The following PANX3 variants were observed in gnomAD, a reference collection of about 807,000 sequenced individuals.
PANX3 encodes pannexin-3.
In PANX3, 18 loss-of-function variants were observed where a neutral mutation model predicts 31.5. The observed-to-expected ratio is 0.57, with a 90% CI of 0.39 to 0.85. The LOEUF (loss-of-function observed/expected upper bound fraction) is 0.85. Among genes scored for constraint, PANX3 ranks in the 40% least tolerant of loss-of-function variants. The pLI, the probability that PANX3 is intolerant of heterozygous loss-of-function variation, is 0.00. For synonymous variants in PANX3, 194 were observed against 201.6 expected, an observed-to-expected ratio of 0.96 and a Z score of 0.32; for missense variants, 426 against 485.4, an observed-to-expected ratio of 0.88 and a Z score of 1.15.
rs1451724228 is a variant in PANX3 at position 124,611,723 on chromosome 11, A to G, written c.167A>G (p.Gln56Arg). Residue 56 changes from glutamine to arginine, a missense_variant, in exon 1 of 4, where the codon CAG becomes CGG. Transcript: ENST00000284288. ...PLLLMSLAFA[Q>R]EFSSGSPISC... ...TTGCTGATGTCCCTGGCATTCGCCC[A>G]GGAGTTCTCCTCTGGTAAGTTGCTT... 6.2e-7 allele frequency: 1 copy of G among 1,613,944 alleles called. No individual in the cohort carries two copies. The highest frequency in any genetic ancestry group is 2.2e-5 in the East Asian group (1 of 44,882).
chr11:124,617,406 C>T lies in PANX3; in HGVS notation c.457C>T (p.Arg153Cys), dbSNP rs773356208. The T allele has an allele frequency of 5.0e-6, 8 of 1,614,070 alleles. No individual in the cohort carries two copies. The highest frequency in any genetic ancestry group is 1.3e-5 in the African/African-American group (1 of 74,952). Reference protein sequence around the residue: ...IISELDKSYNRSIRLVQHMLK... With the variant: ...IISELDKSYNCSIRLVQHMLK... The stretch of plus-strand genomic sequence containing the variant: ...CAGCGAACTGGACAAATCTTATAAT[C>T]GCTCCATCCGCCTCGTGCAGCACAT... Residue 153 changes from arginine (R) to cysteine (C), a missense_variant, in exon 3 of 4, where the codon CGC becomes TGC. Coordinates refer to ENST00000284288, the MANE Select transcript of PANX3 (RefSeq NM_052959.3).
rs984688293 is a variant in PANX3 at position 124,620,067 on chromosome 11, A to G, written c.*132A>G. 4 of 959,424 alleles carry G rather than the reference A, an allele frequency of 4.2e-6. No homozygotes were observed. Among genetic ancestry groups the G allele is most frequent in the South Asian group, 1.8e-5 (1 of 55,708 alleles). The allele number at this position is 959,424 out of a possible 1,614,324, so 59.4% of individuals were successfully genotyped here. On this transcript the variant is annotated 3_prime_UTR_variant, in exon 4 of 4. Coordinates refer to ENST00000284288, the MANE Select transcript of PANX3 (RefSeq NM_052959.3). The stretch of plus-strand genomic sequence containing the variant: ...CTAAGCTTGGATTTAACTGAATCAT[A>G]TATCTTTTATCATGTTATCCTAAAA...
In PANX3 at chr11:124,611,507, C is replaced by T. The variant is rs769782055; in HGVS notation, c.-50C>T. 11 of 1,524,968 alleles carry T rather than the reference C, an allele frequency of 7.2e-6. No homozygotes were observed. The highest frequency in any genetic ancestry group is 2.7e-6 in the Non-Finnish European group (3 of 1,129,354). 94.5% of individuals were successfully genotyped at this position (1,524,968 alleles called of 1,614,324 possible). ...TGAAGCTGCCGTCTCCTCATTCCAC[C>T]ATCCCAGGACCCCTGCTGCCACCTC... On this transcript the variant is annotated 5_prime_UTR_variant, in exon 1 of 4. Coordinates refer to ENST00000284288, the MANE Select transcript of PANX3 (RefSeq NM_052959.3).
Position 124,617,459 on chromosome 11 carries a change from C to T in PANX3, c.510C>T (p.Asp170=), listed in dbSNP as rs1019161727. Residue 170 remains aspartate, a synonymous_variant, in exon 3 of 4, where the codon GAC becomes GAT. Transcript: ENST00000284288. ...TGAAGATCCGGCAGAAGAGTTCCGA[C>T]CCCTATGTGTTCTGGAATGAGCTGG... The part of the protein sequence containing the change: ...HMLKIRQKSS[D]PYVFWNELEK... The T allele has an allele frequency of 1.2e-6, 2 of 1,614,214 alleles. No homozygotes were observed. Among genetic ancestry groups the T allele is most frequent in the African/African-American group, 1.3e-5 (1 of 75,064 alleles).
chr11:124,618,032 C>T (rs1436370952), intron 3 of PANX3, among the ~76,000 whole-genome samples: 1 of 152,180 alleles, frequency 6.6e-6, no homozygotes, highest in African/African-American at 2.4e-5. Flanking sequence ...GCTGTACCTA[C>T]CCATGTGGGG....
At chr11:124,617,620 T>C in intron 3 of PANX3, 132 bp downstream of exon 3, 1 of 825,950 alleles carries the variant, frequency 1.2e-6, no homozygotes, top group East Asian at 2.5e-5. Context: ...CATCATCTCA[T>C]TAACTTTCTA....
Position 124,619,711 on chromosome 11 carries a change from C to T in PANX3, c.955C>T (p.Leu319=). ...TTTTGATCTCCTCAGCAGAAAGATG[C>T]TAGGATGTCCCATCAATGACCTCAA... is the stretch of plus-strand genomic sequence containing the variant. ...PAFDLLSRKM[L]GCPINDLNVI... Residue 319 remains leucine, a synonymous_variant, in exon 4 of 4, where the codon CTA becomes TTA. Coordinates refer to ENST00000284288, the MANE Select transcript of PANX3 (RefSeq NM_052959.3). 1 of 1,614,096 alleles carries T rather than the reference C, an allele frequency of 6.2e-7. No individual in the cohort carries two copies. Among genetic ancestry groups the T allele is most frequent in the Non-Finnish European group, 8.5e-7 (1 of 1,179,982 alleles).
chr11:124,614,823 C>T (rs1565394669), intron 2 of PANX3, among the ~76,000 whole-genome samples: 1 of 151,436 alleles, frequency 6.6e-6, no homozygotes, highest in Admixed American at 6.6e-5. Context: ...ACTACAGGCA[C>T]CCGCTACCAT....
intron 3 of PANX3, among the ~76,000 whole-genome samples, chr11:124,618,113 A>C (rs1235432631): frequency 7.2e-5 from 11 of 152,236 alleles, no homozygotes; most frequent in Non-Finnish European, 2.9e-5. Flanking sequence ...CTGAGATAAT[A>C]AGTGGTATGA....
In PANX3 at chr11:124,616,457, G is replaced by A. The variant is rs985700407; in HGVS notation, c.325-817G>A. ...TGACCTCATTTTGAATTAACTAGTTGCATCCACAACAACCCCATTTCCAAA... is the reference window on the plus strand; with the variant it reads ...TGACCTCATTTTGAATTAACTAGTTACATCCACAACAACCCCATTTCCAAA... On this transcript the variant is annotated intron_variant, in intron 2 of 3. Transcript: ENST00000284288. This position sits in a 1 kb window ranked among gnomAD's most constrained non-coding sequence, Gnocchi z 4.8. 1.8e-4 allele frequency among the ~76,000 whole-genome samples: 27 copies of A among 152,052 alleles called. No individual in the cohort carries two copies. Among genetic ancestry groups the A allele is most frequent in the African/African-American group, 6.5e-4 (27 of 41,406 alleles).
Position 124,619,636 on chromosome 11 carries a change from C to T in PANX3, c.880C>T (p.Leu294=). ...AGTGATAATATACAACCTCACACGG[C>T]TATGTCGGTGGGACAAACGACTTTT... ...VPVIIYNLTR[L]CRWDKRLLSV... Residue 294 remains leucine (L), a synonymous_variant, in exon 4 of 4, where the codon CTA becomes TTA. Transcript: ENST00000284288. The T allele has an allele frequency of 1.2e-6, 2 of 1,614,194 alleles. No homozygotes were observed.
chr11:124,620,119 A>C lies in PANX3; in HGVS notation c.*184A>C. On this transcript the variant is annotated 3_prime_UTR_variant, in exon 4 of 4. Coordinates refer to ENST00000284288, the MANE Select transcript of PANX3 (RefSeq NM_052959.3). ...TGAGAAGACATAACCAAGACATGGA[A>C]ATAAATGTGAAAGCTGGAGCCGAAG... 1.5e-6 allele frequency: 1 copy of C among 683,164 alleles called. No homozygotes were observed. The highest frequency in any genetic ancestry group is 2.3e-6 in the Non-Finnish European group (1 of 432,922). 42.3% of individuals were successfully genotyped at this position (683,164 alleles called of 1,614,324 possible).
Position 124,617,300 on chromosome 11 carries a change from GGCCTT to G in PANX3, c.354_358del (p.Leu119HisfsTer32). 1 of 1,608,308 alleles carries G rather than the reference GGCCTT, an allele frequency of 6.2e-7. No individual in the cohort carries two copies. Among genetic ancestry groups the G allele is most frequent in the Non-Finnish European group, 8.5e-7 (1 of 1,179,990 alleles). On this transcript the variant is annotated frameshift_variant, in exon 3 of 4. Transcript: ENST00000284288. LOFTEE classifies it high-confidence loss of function. ...CCCTCCCCTACTCCCTGCTGGCCCT[GGCCTT>G]GCTCATGTACCTGCCGGTGCTGCTG... is the stretch of plus-strand genomic sequence containing the variant.
rs1253064332 is a variant in PANX3 at position 124,611,570 on chromosome 11, A to G, written c.14A>G (p.His5Arg). The change falls in exon 1 of 4, where the codon CAC (histidine) becomes CGC (arginine). Residue 5 changes from histidine to arginine, a missense_variant. His to Arg is a conservative substitution (Grantham distance 29, BLOSUM62 0). Coordinates refer to ENST00000284288, the MANE Select transcript of PANX3 (RefSeq NM_052959.3). MSLAHTAAEYMLSDA... is the reference protein window; with the variant it reads MSLARTAAEYMLSDA... ...CTCAGCAGCATCATGTCACTTGCAC[A>G]CACAGCTGCAGAGTACATGCTCTCA... 1 of 1,612,290 alleles carries G rather than the reference A, an allele frequency of 6.2e-7. No homozygotes were observed. Among genetic ancestry groups the G allele is most frequent in the Non-Finnish European group, 8.5e-7 (1 of 1,178,866 alleles).
rs937272809 is a variant in PANX3 at position 124,617,378 on chromosome 11, C to A, written c.429C>A (p.Ile143=). ...VPALSSDLLF[I]ISELDKSYNR... ...CCCTCAGCTCCGATCTGCTGTTCAT[C>A]ATCAGCGAACTGGACAAATCTTATA... The change falls in exon 3 of 4, where the codon ATC becomes ATA. Residue 143 remains isoleucine, a synonymous_variant. Transcript: ENST00000284288. The A allele has an allele frequency of 6.2e-7, 1 of 1,613,964 alleles. No homozygotes were observed. The highest frequency in any genetic ancestry group is 8.5e-7 in the Non-Finnish European group (1 of 1,180,042).
rs540117363 is a variant in PANX3 at position 124,616,008 on chromosome 11, A to G, written c.325-1266A>G. Among the ~76,000 whole-genome samples, 5 of 152,178 alleles carry G rather than the reference A, an allele frequency of 3.3e-5. No individual in the cohort carries two copies. The East Asian group carries it at 9.7e-4, about 29-fold the overall frequency. On this transcript the variant is annotated intron_variant, in intron 2 of 3. Transcript: ENST00000284288. This position sits in a 1 kb window ranked among gnomAD's most constrained non-coding sequence, Gnocchi z 4.8. ...CAGCCTGGGCAAGAGAGCGAGACTCAATCTCAATAAATAAATAAATAAATA... is the reference window on the plus strand; with the variant it reads ...CAGCCTGGGCAAGAGAGCGAGACTCGATCTCAATAAATAAATAAATAAATA...
chr11:124,614,599 G>T (rs1417615439), intron 2 of PANX3, among the ~76,000 whole-genome samples: 1 of 151,116 alleles, frequency 6.6e-6, no homozygotes, highest in African/African-American at 2.4e-5. Context: ...AAATTCTCAG[G>T]CTCCACTTCA....
intron 3 of PANX3, 29 bp from the exon 4 acceptor site, chr11:124,619,266 TA>T: frequency 6.3e-7 from 1 of 1,594,360 alleles, no homozygotes; most frequent in Non-Finnish European, 8.5e-7. Context: ...TGGTCACTAC[TA>T]ACCTTGCCTC....
At chr11:124,613,321 G>A (rs756656468) in intron 2 of PANX3, among the ~76,000 whole-genome samples, 199 bp downstream of exon 2, 2 of 152,200 alleles carry the variant, frequency 1.3e-5, no homozygotes, top group Non-Finnish European at 2.9e-5. Flanking sequence ...TTGTGCCTAA[G>A]GGTGAGGCAC....
Sources: allele counts gnomAD v4.1 joint callset (sites outside exome capture counted in the v4.1 genomes callset), GRCh38; gene constraint gnomAD v4.1.1; non-coding constraint Gnocchi (gnomAD v3.1); transcripts MANE v1.5; gene names NCBI Gene and HGNC (gene_info 2026-07-23, HGNC 2026-07-21).